LHFPL2: variants seen among roughly 807,000 people sequenced by gnomAD.
LHFPL2 encodes LHFPL tetraspan subfamily member 2 protein.
In LHFPL2, 7 loss-of-function variants were observed where a neutral mutation model predicts 17.5. That is an observed-to-expected ratio of 0.40 (90% CI 0.23 to 0.75). The LOEUF is 0.75. Ranked by LOEUF, LHFPL2 falls within the 30% of genes least tolerant of loss-of-function variation. The pLI, the probability that LHFPL2 is intolerant of heterozygous loss-of-function variation, is 0.37. For missense variants in LHFPL2, 241 were observed against 294.8 expected (o/e 0.82, Z 1.34); for synonymous variants, 134 against 116.2 (o/e 1.15, Z -0.99).
intron 2 of LHFPL2, among the ~76,000 whole-genome samples, chr5:78,579,345 A>G (rs1742991548): frequency 3.3e-5 from 5 of 151,048 alleles, no homozygotes. Flanking sequence ...TTTTTCATTT[A>G]TTTATTATTA....
intron 2 of LHFPL2, among the ~76,000 whole-genome samples, chr5:78,583,118 TG>T (rs1231154233): frequency 6.6e-6 from 1 of 152,008 alleles, no homozygotes; most frequent in African/African-American, 2.4e-5. Flanking sequence ...TGCCTTTTTT[TG>T]TTTTCCATTT....
At chr5:78,599,535 T>C (rs1030070237) in intron 2 of LHFPL2, among the ~76,000 whole-genome samples, 8 of 151,760 alleles carry the variant, frequency 5.3e-5, no homozygotes, top group African/African-American at 1.9e-4. Context: ...GGCCTCGAAC[T>C]CCTGACCTCA....
chr5:78,551,094 C>G (rs1756427514), intron 3 of LHFPL2, among the ~76,000 whole-genome samples: 1 of 152,080 alleles, frequency 6.6e-6, no homozygotes, highest in African/African-American at 2.4e-5. Context: ...ATTTTTAAAC[C>G]CTTTTCTTAC....
intron 2 of LHFPL2, among the ~76,000 whole-genome samples, chr5:78,582,974 A>T (rs2112446534): frequency 6.6e-6 from 1 of 152,292 alleles, no homozygotes; most frequent in Admixed American, 6.5e-5. Flanking sequence ...GTGCTCCTGT[A>T]TTGGGTGCAT....
intron 2 of LHFPL2, among the ~76,000 whole-genome samples, chr5:78,609,599 A>G (rs1291306223): frequency 1.3e-5 from 2 of 152,136 alleles, no homozygotes; most frequent in Non-Finnish European, 2.9e-5. Context: ...TTGTGAAGAA[A>G]AGAAAACAGT....
In LHFPL2 at chr5:78,623,278, G is replaced by A. The variant is rs568649119; in HGVS notation, c.-245+8986C>T. 3.9e-5 allele frequency among the ~76,000 whole-genome samples: 6 copies of A among 152,180 alleles called. No individual in the cohort carries two copies. The South Asian group carries it at 6.2e-4, about 16-fold the overall frequency. On this transcript the variant is annotated intron_variant, in intron 2 of 4. Coordinates refer to ENST00000380345, the MANE Select transcript of LHFPL2 (RefSeq NM_005779.3). ...GCTTATTAACATTAATTTTTATAGC[G>A]GATTGGAATCTTACGAATACAGAAC... is the stretch of plus-strand genomic sequence containing the variant.
intron 2 of LHFPL2, among the ~76,000 whole-genome samples, chr5:78,601,227 C>T (rs982502324): frequency 1.3e-5 from 2 of 152,078 alleles, no homozygotes; most frequent in African/African-American, 4.8e-5. Flanking sequence ...ATATTTGGAC[C>T]CTTGACTTCT....
chr5:78,549,580 T>C (rs1046134669), intron 3 of LHFPL2, among the ~76,000 whole-genome samples: 10 of 152,158 alleles, frequency 6.6e-5, no homozygotes, highest in African/African-American at 2.2e-4. Flanking sequence ...ACAACACACA[T>C]TGGCATGCTG....
At chr5:78,623,555 G>A (rs1026421662) in intron 2 of LHFPL2, among the ~76,000 whole-genome samples, 1 of 152,168 alleles carries the variant, frequency 6.6e-6, no homozygotes, top group Non-Finnish European at 1.5e-5. Context: ...TTCATCCACA[G>A]GCAATGCTGA....
intron 4 of LHFPL2, among the ~76,000 whole-genome samples, chr5:78,495,519 G>C (rs1754577919): frequency 6.6e-6 from 1 of 152,120 alleles, no homozygotes; most frequent in Non-Finnish European, 1.5e-5. Context: ...CAGGCTTCCA[G>C]ACTAAATATT....
intron 2 of LHFPL2, among the ~76,000 whole-genome samples, chr5:78,626,882 A>G (rs1745055589): frequency 1.3e-5 from 2 of 151,950 alleles, no homozygotes; most frequent in African/African-American, 4.8e-5. Flanking sequence ...GGAGTTCGAG[A>G]CCAGCCTGGC....
chr5:78,503,253 C>T (rs771088445), intron 4 of LHFPL2, among the ~76,000 whole-genome samples: 2 of 152,228 alleles, frequency 1.3e-5, no homozygotes, highest in African/African-American at 2.4e-5. Flanking sequence ...GAATATAGAT[C>T]ATCCATGGCT....
chr5:78,600,322 T>G (rs1201108659), intron 2 of LHFPL2, among the ~76,000 whole-genome samples: 1 of 151,756 alleles, frequency 6.6e-6, no homozygotes, highest in Non-Finnish European at 1.5e-5. Context: ...TAAGAGTTTA[T>G]CAGTAAGCTC....
intron 2 of LHFPL2, among the ~76,000 whole-genome samples, chr5:78,631,857 T>A (rs1745261122): frequency 6.8e-6 from 1 of 148,114 alleles, no homozygotes; most frequent in South Asian, 2.1e-4. Flanking sequence ...AATGGCTTGA[T>A]CCTGGGAGAT....
Position 78,489,153 on chromosome 5 carries a change from C to G in LHFPL2, c.431G>C (p.Gly144Ala), listed in dbSNP as rs1754354316. The G allele has an allele frequency of 6.2e-7, 1 of 1,613,932 alleles. No individual in the cohort carries two copies. Among genetic ancestry groups the G allele is most frequent in the Non-Finnish European group, 8.5e-7 (1 of 1,179,878 alleles). Residue 144 changes from glycine (G) to alanine (A), a missense_variant and splice_region_variant, in exon 5 of 5, where the codon GGT becomes GCT. Coordinates refer to ENST00000380345, the MANE Select transcript of LHFPL2 (RefSeq NM_005779.3). ...NVCGLLQGIA[G>A]LFLILGLILY... ...TATCAAACCGAGGATAAGGAATAGACCTGCAGAACAAAAGAGAAAACAGAT... is the reference window on the plus strand; with the variant it reads ...TATCAAACCGAGGATAAGGAATAGAGCTGCAGAACAAAAGAGAAAACAGAT...
intron 3 of LHFPL2, among the ~76,000 whole-genome samples, chr5:78,539,665 G>T (rs948215208): frequency 6.6e-6 from 1 of 152,100 alleles, no homozygotes; most frequent in Non-Finnish European, 1.5e-5. Flanking sequence ...TGGGAATGAG[G>T]CTCTGCAGTC....
At chr5:78,562,132 A>G (rs1410569347) in intron 3 of LHFPL2, among the ~76,000 whole-genome samples, 2 of 152,314 alleles carry the variant, frequency 1.3e-5, no homozygotes, top group South Asian at 2.1e-4. Flanking sequence ...GCAGAGGAAC[A>G]CCTGCTGTTT....
intron 2 of LHFPL2, among the ~76,000 whole-genome samples, chr5:78,600,950 A>C (rs1332399100): frequency 6.6e-6 from 1 of 152,210 alleles, no homozygotes; most frequent in Non-Finnish European, 1.5e-5. Flanking sequence ...TGTTTAAAAA[A>C]AAGTTAACTG....
At chr5:78,537,656 T>C (rs1221969732) in intron 3 of LHFPL2, among the ~76,000 whole-genome samples, 3 of 152,158 alleles carry the variant, frequency 2.0e-5, no homozygotes, top group African/African-American at 7.2e-5. Flanking sequence ...CAAGGCCACA[T>C]GGAAGTAACA....
Sources: allele counts gnomAD v4.1 joint callset (sites outside exome capture counted in the v4.1 genomes callset), GRCh38; gene constraint gnomAD v4.1.1; transcripts MANE v1.5; gene names NCBI Gene and HGNC (gene_info 2026-07-23, HGNC 2026-07-21).